The following INTS7 variants were observed in gnomAD, a reference collection of about 807,000 sequenced individuals.
INTS7 encodes chromosome 1 open reading frame 73.
In INTS7, 46 loss-of-function variants were observed where a neutral mutation model predicts 109.2. The observed-to-expected ratio is 0.42, with a 90% CI of 0.33 to 0.54. INTS7 has a LOEUF of 0.54. Ranked by LOEUF, INTS7 falls within the 20% of genes least tolerant of loss-of-function variation. The pLI is 0.07. For missense variants in INTS7, 929 were observed against 1,132.4 expected (o/e 0.82, Z 2.58); for synonymous variants, 412 against 402.9 (o/e 1.02, Z -0.27).
At chr1:211,967,448 T>A (rs1663941309) in intron 15 of INTS7, among the ~76,000 whole-genome samples, 1 of 83,668 alleles carries the variant, frequency 1.2e-5, no homozygotes, top group Non-Finnish European at 2.4e-5. Context: ...TGAGACTCCA[T>A]CTCAAAAAAA....
At chr1:211,968,416 A>T (rs1367998733) in intron 14 of INTS7, 97 bp downstream of exon 14, 1 of 1,002,438 alleles carries the variant, frequency 1.0e-6, no homozygotes, top group Non-Finnish European at 1.5e-6. Context: ...ATAATGTCTG[A>T]GTCAAACCAC....
At chr1:211,990,454 A>T (rs1665096197) in intron 7 of INTS7, among the ~76,000 whole-genome samples, 1 of 152,222 alleles carries the variant, frequency 6.6e-6, no homozygotes, top group African/African-American at 2.4e-5. Context: ...ATACATAAGA[A>T]ACTATTAACA....
intron 18 of INTS7, 38 bp from the exon 19 acceptor site, chr1:211,945,007 G>A (rs766911478): frequency 1.3e-6 from 2 of 1,597,330 alleles, no homozygotes; most frequent in South Asian, 1.1e-5. Flanking sequence ...CAACAACCAA[G>A]AGCAAGCTTC....
At chr1:211,966,102 G>A (rs944379632) in intron 16 of INTS7, 2 of 168,944 alleles carry the variant, frequency 1.2e-5, no homozygotes, top group African/African-American at 4.8e-5. Context: ...TTTGGTTTAA[G>A]AAGCCAAAGG....
intron 7 of INTS7, among the ~76,000 whole-genome samples, chr1:211,988,730 C>T (rs897883549): frequency 6.6e-6 from 1 of 152,044 alleles, no homozygotes; most frequent in Non-Finnish European, 1.5e-5. Flanking sequence ...AAACCCCCAC[C>T]ATATTTTGCT....
rs759954805 is a variant in INTS7 at position 212,006,758 on chromosome 1, G to T, written c.760C>A (p.Gln254Lys). Residue 254 changes from glutamine to lysine, a missense_variant, in exon 7 of 20, where the codon CAG becomes AAG. Transcript: ENST00000366994. ...TTCTTCAAATACTGCAACAGAAGCT[G>T]AATCTATAAAGGAAATAAGTCACTC... ...SSLVDTPKQIQLLLQYLKNDP... is the reference protein window; with the variant it reads ...SSLVDTPKQIKLLLQYLKNDP... 1.2e-6 allele frequency: 2 copies of T among 1,600,276 alleles called. No individual in the cohort carries two copies. Among genetic ancestry groups the T allele is most frequent in the East Asian group, 4.5e-5 (2 of 44,438 alleles).
intron 1 of INTS7, among the ~76,000 whole-genome samples, chr1:212,022,332 ACTT>A (rs987127435): frequency 1.2e-4 from 18 of 152,372 alleles, no homozygotes; most frequent in Middle Eastern, 3.4e-3. Context: ...AAAATTTAAA[ACTT>A]CTGCTCTTCA....
chr1:211,984,851 G>A (rs1489870078), intron 8 of INTS7, among the ~76,000 whole-genome samples: 1 of 151,978 alleles, frequency 6.6e-6, no homozygotes, highest in Non-Finnish European at 1.5e-5. Context: ...CATGGAGACT[G>A]CTCCGTGCCA....
chr1:211,954,050 C>G (rs995180398), intron 16 of INTS7, among the ~76,000 whole-genome samples: 2 of 152,180 alleles, frequency 1.3e-5, no homozygotes, highest in Admixed American at 1.3e-4. Context: ...TCCACATCCT[C>G]TCCAGCACCT....
At position 212,021,103 on chromosome 1, in the gene INTS7, T is replaced by C; in HGVS notation, c.204A>G (p.Leu68=). 1 of 1,605,500 alleles carries C rather than the reference T, an allele frequency of 6.2e-7. No individual in the cohort carries two copies. The highest frequency in any genetic ancestry group is 1.3e-5 in the African/African-American group (1 of 74,428). Residue 68 remains leucine (L), a synonymous_variant, in exon 2 of 20, where the codon TTA becomes TTG. Transcript: ENST00000366994. ...CTTACCCAACTCTGAAAACATCAGC[T>C]AACTTTAGGAATGCAGAATTGATAA... is the stretch of plus-strand genomic sequence containing the variant. ...PILINSAFLK[L]ADVFRVGNNF... is the part of the protein sequence containing the mutation.
At chr1:212,020,543 C>T (rs1386993772) in intron 2 of INTS7, among the ~76,000 whole-genome samples, 1 of 152,098 alleles carries the variant, frequency 6.6e-6, no homozygotes, top group African/African-American at 2.4e-5. Context: ...TATATTATAA[C>T]CAAGGCCAGG....
chr1:212,022,741 ACTTTT>A (rs919792565), intron 1 of INTS7, among the ~76,000 whole-genome samples: 1 of 152,104 alleles, frequency 6.6e-6, no homozygotes, highest in African/African-American at 2.4e-5. Context: ...TCTTTCCTTT[ACTTTT>A]CATTTTTCTT....
chr1:211,991,356 G>A (rs1422037374), intron 7 of INTS7, among the ~76,000 whole-genome samples: 1 of 152,146 alleles, frequency 6.6e-6, no homozygotes, highest in African/African-American at 2.4e-5. Flanking sequence ...TGAAATATTT[G>A]AGTCTCAACT....
intron 17 of INTS7, chr1:211,952,289 T>C (rs531373526): frequency 2.0e-5 from 5 of 248,148 alleles, no homozygotes; most frequent in African/African-American, 9.0e-5. Context: ...GCAACTTCAG[T>C]TAAATTGTTA....
chr1:212,027,842 T>C (rs1666995065), intron 1 of INTS7, among the ~76,000 whole-genome samples: 1 of 151,944 alleles, frequency 6.6e-6, no homozygotes, highest in South Asian at 2.1e-4. Flanking sequence ...CCTTTTTTTT[T>C]TCTTGAGACA....
At chr1:211,951,605 C>A (rs1663095512) in intron 17 of INTS7, among the ~76,000 whole-genome samples, 1 of 152,158 alleles carries the variant, frequency 6.6e-6, no homozygotes, top group African/African-American at 2.4e-5. Flanking sequence ...CGCACCCGGC[C>A]AGGATGAGTG....
intron 10 of INTS7, 145 bp downstream of exon 10, chr1:211,980,948 T>G: frequency 4.1e-6 from 2 of 485,434 alleles, no homozygotes; most frequent in Non-Finnish European, 3.7e-6. Context: ...TCAGTTAGAT[T>G]AAATCAGTGT....
Position 212,030,293 on chromosome 1 carries a change from G to GTT in INTS7, c.94+5049_94+5050dup, listed in dbSNP as rs34202107. On this transcript the variant is annotated intron_variant, in intron 1 of 19. Coordinates refer to ENST00000366994, the MANE Select transcript of INTS7 (RefSeq NM_015434.4). Reference sequence around the variant, plus strand: ...TAGCTTCAATTCTACATGATTTTTTGTTTTTTTTTTTTGAGATGGAGTTTC... The same window carrying GTT: ...TAGCTTCAATTCTACATGATTTTTTGTTTTTTTTTTTTTTGAGATGGAGTTTC... Among the ~76,000 whole-genome samples, 83 of 143,022 alleles carry GTT rather than the reference G, an allele frequency of 5.8e-4. 1 individual carries two copies. The East Asian group carries it at 8.1e-3, about 14-fold the overall frequency. The allele number at this position is 143,022 out of a possible 152,430, so 93.8% of individuals were successfully genotyped here. A position where few individuals can be genotyped will look rare whatever the true frequency, so the allele number is the denominator to read the frequency against.
chr1:211,985,411 G>A (rs542805423), intron 8 of INTS7, among the ~76,000 whole-genome samples: 2 of 152,014 alleles, frequency 1.3e-5, no homozygotes, highest in South Asian at 4.2e-4. Context: ...CATTATTTAT[G>A]GAAATAATGT....
Sources: gnomAD v4.1 joint callset for allele counts (sites outside exome capture counted in the v4.1 genomes callset) on GRCh38, gnomAD v4.1.1 for gene constraint, MANE v1.5 for transcripts, NCBI Gene and HGNC (gene_info 2026-07-23, HGNC 2026-07-21) for gene names.